The following RRP12 variants were observed in gnomAD, a reference collection of about 807,000 sequenced individuals.
RRP12 encodes the protein RRP12-like protein.
A neutral mutation model predicts 157.3 loss-of-function variants in RRP12; 78 were observed. That is an observed-to-expected ratio of 0.50 (90% CI 0.41 to 0.60). The LOEUF is 0.60. RRP12 is among the 20% of genes least tolerant of loss of function. The probability of loss-of-function intolerance (pLI) is 0.00; values close to 1 mark genes in which losing one functional copy is unlikely to be tolerated. For missense variants in RRP12, 1,521 were observed against 1,679.9 expected (o/e 0.91, Z 1.65); for synonymous variants, 726 against 670.9 (o/e 1.08, Z -1.27).
At chr10:97,371,436 C>T in intron 20 of RRP12, 1 of 284,044 alleles carries the variant, frequency 3.5e-6, no homozygotes, top group Non-Finnish European at 6.8e-6. Flanking sequence ...CTCCTTGCTC[C>T]TCCAAACCAG....
chr10:97,398,813 C>G (rs1845056888), intron 2 of RRP12, among the ~76,000 whole-genome samples: 2 of 151,920 alleles, frequency 1.3e-5, no homozygotes, highest in South Asian at 2.1e-4. Context: ...AGACACAAAT[C>G]AAGTATTTCC....
chr10:97,387,659 G>A (rs1184589563), intron 8 of RRP12, among the ~76,000 whole-genome samples: 2 of 150,394 alleles, frequency 1.3e-5, no homozygotes, highest in East Asian at 1.9e-4. Context: ...AAAAAAACTC[G>A]ACCGGGCGCA....
intron 9 of RRP12, 131 bp from the exon 10 acceptor site, chr10:97,385,388 TTGGCTTTCCCAGCTCC>T (rs1422981025): frequency 1.4e-6 from 1 of 704,936 alleles, no homozygotes; most frequent in African/African-American, 1.8e-5. Flanking sequence ...CACAGCCCCC[TTGGCTTTCCCAGCTCC>T]TGCCTTTCCC....
chr10:97,363,814 G>A, intron 30 of RRP12, 40 bp downstream of exon 30: 1 of 1,574,104 alleles, frequency 6.4e-7, no homozygotes, highest in Non-Finnish European at 8.7e-7. Context: ...CCCAGGCTTA[G>A]GTCTGAAGCC....
At chr10:97,399,140 G>A (rs1845066151) in intron 2 of RRP12, among the ~76,000 whole-genome samples, 1 of 152,060 alleles carries the variant, frequency 6.6e-6, no homozygotes, top group Admixed American at 6.6e-5. Context: ...GGGCATGGTG[G>A]CGCACGCCTC....
At chr10:97,379,140 C>G (rs1281562577) in intron 15 of RRP12, among the ~76,000 whole-genome samples, 153 bp downstream of exon 15, 1 of 152,196 alleles carries the variant, frequency 6.6e-6, no homozygotes, top group Non-Finnish European at 1.5e-5. Context: ...GACAGGCACT[C>G]CAGCACTGGC....
Position 97,381,827 on chromosome 10 carries a change from C to T in RRP12, c.1209-1G>A. On this transcript the variant is annotated splice_acceptor_variant, in intron 10 of 33. Transcript: ENST00000370992. LOFTEE classifies it high-confidence loss of function. ...GCCTAGCCCCAGGTCCCACTGCAAC[C>T]TGTCAAGACAAAAGGTTTCTGTGGG... The T allele has an allele frequency of 6.2e-7, 1 of 1,612,806 alleles. No individual in the cohort carries two copies.
intron 4 of RRP12, among the ~76,000 whole-genome samples, chr10:97,391,252 A>G (rs1844795048): frequency 6.6e-6 from 1 of 152,198 alleles, no homozygotes; most frequent in African/African-American, 2.4e-5. Context: ...ATGCCACCTG[A>G]TATACAAGTA....
intron 9 of RRP12, 71 bp downstream of exon 9, chr10:97,385,824 G>C (rs2133078652): frequency 4.4e-6 from 5 of 1,142,396 alleles, no homozygotes; most frequent in Non-Finnish European, 1.3e-6. Flanking sequence ...CGCAGGGCCA[G>C]TGCCCCCAGC....
intron 15 of RRP12, among the ~76,000 whole-genome samples, chr10:97,378,324 GC>G: frequency 6.6e-6 from 1 of 152,114 alleles, no homozygotes; most frequent in East Asian, 1.9e-4. Flanking sequence ...AGATGGCACA[GC>G]CCCTACACAC....
In RRP12 at chr10:97,381,710, AG is replaced by A. The variant is rs750361911; in HGVS notation, c.1320+4del. ...TCTCTGCTTCCTCAGCTAAAGTTGC[AG>A]TACCTTGAGGCTCTGCGTAGCAGCA... On this transcript the variant is annotated splice_donor_region_variant and intron_variant, in intron 11 of 33. Coordinates refer to ENST00000370992, the MANE Select transcript of RRP12 (RefSeq NM_015179.4). 3.0e-5 allele frequency: 49 copies of A among 1,608,796 alleles called. No homozygotes were observed. The highest frequency in any genetic ancestry group is 4.2e-5 in the Non-Finnish European group (49 of 1,175,148).
chr10:97,385,335 G>A, intron 9 of RRP12, 78 bp from the exon 10 acceptor site: 1 of 1,122,934 alleles, frequency 8.9e-7, no homozygotes, highest in Non-Finnish European at 1.3e-6. Context: ...TCCCATCCTG[G>A]CACCAGCAAT....
chr10:97,392,806 C>T (rs1300591138), intron 4 of RRP12, among the ~76,000 whole-genome samples: 1 of 152,110 alleles, frequency 6.6e-6, no homozygotes, highest in Non-Finnish European at 1.5e-5. Context: ...ATTCTCCTGC[C>T]TCAGCCTCCC....
rs1315055341 is a variant in RRP12, at chr10:97,401,088, G to A, written c.139+5C>T. ...CCGGCTGCGCTCGGGTCTCAACCCAGCTACCTGACGGCCGGCTGAAGAAGC... is the reference window on the plus strand; with the variant it reads ...CCGGCTGCGCTCGGGTCTCAACCCAACTACCTGACGGCCGGCTGAAGAAGC... On this transcript the variant is annotated splice_donor_5th_base_variant and intron_variant, in intron 1 of 33. Coordinates refer to ENST00000370992, the MANE Select transcript of RRP12 (RefSeq NM_015179.4). 6.2e-7 allele frequency: 1 copy of A among 1,612,858 alleles called. No individual in the cohort carries two copies. The highest frequency in any genetic ancestry group is 1.1e-5 in the South Asian group (1 of 90,980).
intron 15 of RRP12, among the ~76,000 whole-genome samples, chr10:97,377,014 G>T (rs896033317): frequency 3.3e-5 from 5 of 151,690 alleles, no homozygotes; most frequent in African/African-American, 1.2e-4. Context: ...CGAGTAGGTG[G>T]GATTATAGGC....
chr10:97,374,495 G>A (rs558133981), intron 15 of RRP12, among the ~76,000 whole-genome samples: 32 of 151,650 alleles, frequency 2.1e-4, no homozygotes, highest in Non-Finnish European at 3.4e-4. Flanking sequence ...AACAGGGGCT[G>A]GGTGCAGTGG....
rs1347774414 is a variant in RRP12 at position 97,401,074 on chromosome 10, C to T, written c.139+19G>A. ...CTGGAACCCCGCCCCCGGCTGCGCT[C>T]GGGTCTCAACCCAGCTACCTGACGG... On this transcript the variant is annotated intron_variant, in intron 1 of 33. Coordinates refer to ENST00000370992, the MANE Select transcript of RRP12 (RefSeq NM_015179.4). 3 of 1,611,044 alleles carry T rather than the reference C, an allele frequency of 1.9e-6. No individual in the cohort carries two copies. Among genetic ancestry groups the T allele is most frequent in the Non-Finnish European group, 2.5e-6 (3 of 1,178,724 alleles).
intron 15 of RRP12, among the ~76,000 whole-genome samples, chr10:97,378,799 G>T (rs1358152872): frequency 6.6e-6 from 1 of 152,184 alleles, no homozygotes; most frequent in African/African-American, 2.4e-5. Flanking sequence ...GGAGGTTGCA[G>T]TGAGCCGAGA....
At chr10:97,388,649 C>A (rs759320063) in intron 6 of RRP12, 25 bp from the exon 7 acceptor site, 1 of 1,610,346 alleles carries the variant, frequency 6.2e-7, no homozygotes, top group Non-Finnish European at 8.5e-7. Flanking sequence ...GAGCAGGAGA[C>A]AAGGCCAGAT....
Sources: gnomAD v4.1 joint callset for allele counts (sites outside exome capture counted in the v4.1 genomes callset) on GRCh38, gnomAD v4.1.1 for gene constraint, MANE v1.5 for transcripts, NCBI Gene and HGNC (gene_info 2026-07-23, HGNC 2026-07-21) for gene names.